Variants in PPFIA2 observed in about 807,000 individuals in gnomAD.
The protein encoded by PPFIA2 is liprin-alpha-2.
A neutral mutation model predicts 175.5 loss-of-function variants in PPFIA2; 46 were observed. That is an observed-to-expected ratio of 0.26 (90% CI 0.21 to 0.34). PPFIA2 has a LOEUF of 0.34. PPFIA2 is among the 10% of genes least tolerant of loss of function. PPFIA2 has a pLI of 1.00. For missense variants in PPFIA2, 1,179 were observed against 1,506.1 expected (o/e 0.78, Z 3.60); for synonymous variants, 568 against 511.4 (o/e 1.11, Z -1.49).
At chr12:81,315,031 G>T (rs2051962477) in intron 22 of PPFIA2, among the ~76,000 whole-genome samples, 1 of 151,686 alleles carries the variant, frequency 6.6e-6, no homozygotes, top group Admixed American at 6.6e-5. Context: ...TCTACAATAA[G>T]ACAGATGGGG....
chr12:81,721,598 T>C (rs1411440157), intron 3 of PPFIA2, among the ~76,000 whole-genome samples: 1 of 151,228 alleles, frequency 6.6e-6, no homozygotes, highest in African/African-American at 2.4e-5. Context: ...ATAAAGCTTA[T>C]CCCCCCTCAC....
At chr12:81,674,161 C>T (rs2071985098) in intron 4 of PPFIA2, among the ~76,000 whole-genome samples, 1 of 151,858 alleles carries the variant, frequency 6.6e-6, no homozygotes, top group Non-Finnish European at 1.5e-5. Flanking sequence ...TTAAACATAC[C>T]ATTAACATTT....
intron 16 of PPFIA2, among the ~76,000 whole-genome samples, chr12:81,353,807 C>A (rs893394511): frequency 5.3e-5 from 8 of 152,092 alleles, no homozygotes; most frequent in African/African-American, 1.9e-4. Flanking sequence ...TACATCGATT[C>A]TAACAAAATA....
At chr12:81,324,247 A>G (rs998506018) in intron 22 of PPFIA2, among the ~76,000 whole-genome samples, 8 of 152,100 alleles carry the variant, frequency 5.3e-5, no homozygotes, top group Non-Finnish European at 1.0e-4. Flanking sequence ...AAGGTTAATG[A>G]TAGCTAAACT....
At chr12:81,398,691 T>C (rs2041603108) in intron 8 of PPFIA2, among the ~76,000 whole-genome samples, 1 of 152,044 alleles carries the variant, frequency 6.6e-6, no homozygotes, top group Non-Finnish European at 1.5e-5. Context: ...TCCAGACAAG[T>C]TTGAAAAACA....
At chr12:81,522,375 G>A (rs976125973) in intron 4 of PPFIA2, among the ~76,000 whole-genome samples, 5 of 151,934 alleles carry the variant, frequency 3.3e-5, no homozygotes, top group East Asian at 3.9e-4. Flanking sequence ...TGTCTTGCAT[G>A]ATCAGAAAAA....
chr12:81,593,415 G>A (rs776858060), intron 4 of PPFIA2, among the ~76,000 whole-genome samples: 30 of 151,980 alleles, frequency 2.0e-4, no homozygotes, highest in Non-Finnish European at 3.7e-4. Flanking sequence ...AAATAGTTAC[G>A]TCTCACTAAC....
chr12:81,741,157 A>T (rs191788000), intron 3 of PPFIA2, among the ~76,000 whole-genome samples: 48 of 152,310 alleles, frequency 3.2e-4, no homozygotes, highest in African/African-American at 1.1e-3. Context: ...TGATTGTAAC[A>T]TATTCAAAAT....
At chr12:81,325,665 A>G (rs756815199) in intron 22 of PPFIA2, 112 bp downstream of exon 22, 6 of 707,474 alleles carry the variant, frequency 8.5e-6, no homozygotes, top group Admixed American at 2.6e-5. Flanking sequence ...TCTGGAAAAT[A>G]TTGGCTTCAA....
At chr12:81,685,399 G>A (rs1199904429) in intron 3 of PPFIA2, among the ~76,000 whole-genome samples, 16 of 152,086 alleles carry the variant, frequency 1.1e-4, no homozygotes, top group Non-Finnish European at 4.4e-5. Context: ...GCCAAAAGGT[G>A]TCCTTTTTAA....
chr12:81,563,103 T>C (rs2070539157), intron 4 of PPFIA2, among the ~76,000 whole-genome samples: 1 of 151,988 alleles, frequency 6.6e-6, no homozygotes, highest in Non-Finnish European at 1.5e-5. Flanking sequence ...TATATATATG[T>C]TCTTCTTGTT....
At chr12:81,480,747 G>A (rs1478076285) in intron 4 of PPFIA2, among the ~76,000 whole-genome samples, 1 of 152,102 alleles carries the variant, frequency 6.6e-6, no homozygotes, top group Non-Finnish European at 1.5e-5. Context: ...GGAGGCTGCA[G>A]ACAGCAAAGA....
chr12:81,346,874 C>T (rs115754810), intron 18 of PPFIA2, among the ~76,000 whole-genome samples: 14,644 of 151,564 alleles, frequency 0.097, 876 homozygotes, highest in Middle Eastern at 0.16. Context: ...CCTCCGTATG[C>T]CATCAATAAA....
intron 4 of PPFIA2, among the ~76,000 whole-genome samples, chr12:81,501,970 T>C (rs567853526): frequency 7.2e-5 from 11 of 152,232 alleles, no homozygotes; most frequent in African/African-American, 2.4e-4. Context: ...GAGAGTTTCA[T>C]AAAATAGGGC....
In PPFIA2 at chr12:81,374,784, G is replaced by C. The variant is rs773519906; in HGVS notation, c.1132-16C>G. 1 of 1,606,958 alleles carries C rather than the reference G, an allele frequency of 6.2e-7. No homozygotes were observed. Among genetic ancestry groups the C allele is most frequent in the African/African-American group, 1.3e-5 (1 of 74,660 alleles). On this transcript the variant is annotated splice_polypyrimidine_tract_variant and intron_variant, in intron 10 of 32. Transcript: ENST00000549396. ...TCTCTTCCATCTGAAATGGGAATGGGAGCAGAGACACTTAAAGAGTCAGAG... is the reference window on the plus strand; with the variant it reads ...TCTCTTCCATCTGAAATGGGAATGGCAGCAGAGACACTTAAAGAGTCAGAG...
chr12:81,435,475 GC>G (rs2048808026), intron 7 of PPFIA2, among the ~76,000 whole-genome samples: 1 of 152,070 alleles, frequency 6.6e-6, no homozygotes, highest in Non-Finnish European at 1.5e-5. Context: ...GAATAGATGA[GC>G]GATCAATGAA....
At chr12:81,755,427 CTG>C (rs1046277412) in intron 2 of PPFIA2, among the ~76,000 whole-genome samples, 1 of 152,104 alleles carries the variant, frequency 6.6e-6, no homozygotes, top group African/African-American at 2.4e-5. Flanking sequence ...TCCTGAAGCA[CTG>C]TTTGGTTTTA....
chr12:81,410,077 T>G (rs1482444426), intron 7 of PPFIA2, among the ~76,000 whole-genome samples: 1 of 152,130 alleles, frequency 6.6e-6, no homozygotes, highest in Non-Finnish European at 1.5e-5. Context: ...AGCCACCTTC[T>G]GCCATGTGAG....
rs11838216 is a variant in PPFIA2, at chr12:81,696,000, A to G, written c.250-19156T>C. On this transcript the variant is annotated intron_variant, in intron 3 of 32. Transcript: ENST00000549396. ...GCTAATTTAATATTAACATATTGTGATTTTTGTGTGGTGTAATTGAGTGTT... is the reference window on the plus strand; with the variant it reads ...GCTAATTTAATATTAACATATTGTGGTTTTTGTGTGGTGTAATTGAGTGTT... 7.4e-3 allele frequency among the ~76,000 whole-genome samples: 1,129 copies of G among 152,280 alleles called. 22 individuals are homozygous for G. The highest frequency in any genetic ancestry group is 0.026 in the African/African-American group (1,074 of 41,556).
Sources: allele counts gnomAD v4.1 joint callset (sites outside exome capture counted in the v4.1 genomes callset), GRCh38; gene constraint gnomAD v4.1.1; transcripts MANE v1.5; gene names NCBI Gene and HGNC (gene_info 2026-07-23, HGNC 2026-07-21).